Variants in DOCK10 observed in about 807,000 individuals in gnomAD.
The protein encoded by DOCK10 is dedicator of cytokinesis protein 10.
In DOCK10, 145 loss-of-function variants were observed where a neutral mutation model predicts 280.1. The observed-to-expected ratio is 0.52, with a 90% CI of 0.45 to 0.59. DOCK10 has a LOEUF of 0.59. Among genes scored for constraint, DOCK10 ranks in the 20% least tolerant of loss-of-function variants. DOCK10 has a pLI of 0.00. For missense variants in DOCK10, 2,368 were observed against 2,651.7 expected (o/e 0.89, Z 2.35); for synonymous variants, 915 against 942.2 (o/e 0.97, Z 0.53).
chr2:224,955,726 AT>A (rs1703999301), intron 1 of DOCK10, among the ~76,000 whole-genome samples: 2 of 152,184 alleles, frequency 1.3e-5, no homozygotes. Flanking sequence ...AATTTCCTTT[AT>A]TTAGTTGTGC....
intron 28 of DOCK10, among the ~76,000 whole-genome samples, chr2:224,820,400 A>G (rs1694432926): frequency 6.6e-6 from 1 of 152,250 alleles, no homozygotes; most frequent in Non-Finnish European, 1.5e-5. Flanking sequence ...TTCCCAACGC[A>G]GGATCTGGGG....
intron 1 of DOCK10, among the ~76,000 whole-genome samples, chr2:224,979,464 A>C (rs550810923): frequency 6.6e-6 from 1 of 152,258 alleles, no homozygotes; most frequent in East Asian, 1.9e-4. Context: ...GAAAAAGCCT[A>C]GGTCTTCCTG....
chr2:224,919,379 A>C (rs1701556502), intron 2 of DOCK10, among the ~76,000 whole-genome samples: 1 of 138,112 alleles, frequency 7.2e-6, no homozygotes, highest in Non-Finnish European at 1.6e-5. Context: ...AGGTGGTGTG[A>C]ATGTATGTGG....
At chr2:224,799,274 C>T (rs753255977) in intron 41 of DOCK10, among the ~76,000 whole-genome samples, 27 of 152,142 alleles carry the variant, frequency 1.8e-4, no homozygotes, top group Admixed American at 9.2e-4. Flanking sequence ...CTGAGTAATA[C>T]GGTATATACT....
chr2:224,984,729 G>A (rs942822677), intron 1 of DOCK10, among the ~76,000 whole-genome samples: 12 of 152,082 alleles, frequency 7.9e-5, no homozygotes, highest in Non-Finnish European at 5.9e-5. Flanking sequence ...AAGGGTTTGG[G>A]TTCTGAGCTC....
intron 39 of DOCK10, among the ~76,000 whole-genome samples, chr2:224,802,969 A>G (rs1230043772): frequency 6.6e-6 from 1 of 152,108 alleles, no homozygotes; most frequent in African/African-American, 2.4e-5. Flanking sequence ...GGCTTTCAAT[A>G]GCCAGGGGAG....
In DOCK10 at chr2:224,880,646, A is replaced by G. The variant is rs1392893599; in HGVS notation, c.748-4425T>C. Among the ~76,000 whole-genome samples, 6 of 152,296 alleles carry G rather than the reference A, an allele frequency of 3.9e-5. No homozygotes were observed. The East Asian group carries it at 1.2e-3, about 29-fold the overall frequency. The stretch of plus-strand genomic sequence containing the variant: ...CTTCATAAATAGTAGGAACCTGTGA[A>G]TATGTCTTATTGTCATGATATGTTT... On this transcript the variant is annotated intron_variant, in intron 7 of 55. Transcript: ENST00000258390.
At chr2:224,988,297 T>C (rs1238072514) in intron 1 of DOCK10, among the ~76,000 whole-genome samples, 1 of 152,174 alleles carries the variant, frequency 6.6e-6, no homozygotes, top group East Asian at 1.9e-4. Flanking sequence ...GTCTTCCCTC[T>C]CTGTAAGACA....
chr2:224,789,264 GTA>G (rs1318414847), intron 47 of DOCK10, 94 bp from the exon 48 acceptor site: 2 of 729,142 alleles, frequency 2.7e-6, no homozygotes, highest in African/African-American at 3.5e-5. Context: ...CCAAGTGGTA[GTA>G]TTACAAAGCT....
At chr2:224,779,269 G>A (rs951950437) in intron 50 of DOCK10, among the ~76,000 whole-genome samples, 3 of 150,050 alleles carry the variant, frequency 2.0e-5, no homozygotes, top group African/African-American at 7.4e-5. Context: ...AGGCTGGAGT[G>A]CAGAGGTGTG....
intron 29 of DOCK10, among the ~76,000 whole-genome samples, chr2:224,817,972 A>T (rs1340111558): frequency 6.6e-6 from 1 of 152,168 alleles, no homozygotes; most frequent in Non-Finnish European, 1.5e-5. Context: ...GTTAACAGAG[A>T]ATTATTAATT....
chr2:224,998,167 G>C (rs971317652), intron 1 of DOCK10, among the ~76,000 whole-genome samples: 2 of 152,160 alleles, frequency 1.3e-5, no homozygotes, highest in African/African-American at 4.8e-5. Context: ...GGGATTCTAA[G>C]AGTGAGATAA....
At chr2:225,000,307 T>C (rs149650827) in intron 1 of DOCK10, among the ~76,000 whole-genome samples, 70 of 152,276 alleles carry the variant, frequency 4.6e-4, no homozygotes, top group African/African-American at 1.6e-3. Context: ...CAGTTTATAA[T>C]GATCTATGTG....
chr2:224,837,658 C>T (rs1281740482), intron 25 of DOCK10, 104 bp downstream of exon 25: 3 of 883,510 alleles, frequency 3.4e-6, no homozygotes, highest in Non-Finnish European at 5.6e-6. Context: ...GTGGTGGGCG[C>T]CACTCAGTTA....
intron 3 of DOCK10, among the ~76,000 whole-genome samples, chr2:224,905,277 A>G (rs28545792): frequency 0.13 from 16,664 of 124,762 alleles, 3,085 homozygotes; most frequent in African/African-American, 0.44. Context: ...GTCTCGCTCT[A>G]TCGCCCAGGC....
intron 1 of DOCK10, among the ~76,000 whole-genome samples, chr2:224,946,667 G>A (rs11896136): frequency 0.017 from 2,559 of 152,202 alleles, 69 homozygotes; most frequent in African/African-American, 0.059. Flanking sequence ...TGAGAACAGC[G>A]TGACTTCAAA....
At position 224,855,039 on chromosome 2, in the gene DOCK10, G is replaced by A. The variant is rs200973508; in HGVS notation, c.1812C>T (p.Ala604=). 32 of 1,591,672 alleles carry A rather than the reference G, an allele frequency of 2.0e-5. No homozygotes were observed. Among genetic ancestry groups the A allele is most frequent in the Admixed American group, 7.0e-5 (4 of 57,514 alleles). ...LVKLVSDYRR[A]DRISKMQTIP... Reference sequence around the variant, plus strand: ...TGGTCTGCATTTTGCTTATTCTGTCGGCCCTGTAAGAGTGCATGAGCAAGG... The same window carrying A: ...TGGTCTGCATTTTGCTTATTCTGTCAGCCCTGTAAGAGTGCATGAGCAAGG... The change falls in exon 16 of 56, where the codon GCC becomes GCT. Residue 604 remains alanine (A), a synonymous_variant. Transcript: ENST00000258390.
At chr2:224,881,191 A>T (rs1253839675) in intron 7 of DOCK10, among the ~76,000 whole-genome samples, 1 of 152,164 alleles carries the variant, frequency 6.6e-6, no homozygotes, top group South Asian at 2.1e-4. Flanking sequence ...TCATTCTTGC[A>T]TATGTTATCA....
chr2:224,929,025 C>T (rs1210415500), intron 2 of DOCK10, among the ~76,000 whole-genome samples: 1 of 152,224 alleles, frequency 6.6e-6, no homozygotes, highest in Non-Finnish European at 1.5e-5. Flanking sequence ...CTTTCCCCAG[C>T]ATGGCTGATC....
Sources: gnomAD v4.1 joint callset for allele counts (sites outside exome capture counted in the v4.1 genomes callset) on GRCh38, gnomAD v4.1.1 for gene constraint, MANE v1.5 for transcripts, NCBI Gene and HGNC (gene_info 2026-07-23, HGNC 2026-07-21) for gene names.